The following LRGUK variants were observed in gnomAD, a reference collection of about 807,000 sequenced individuals.
LRGUK encodes leucine rich repeats and guanylate kinase domain containing.
Under a neutral mutation model 76.0 loss-of-function variants are expected in LRGUK, and 65 were observed. The ratio of observed to expected loss-of-function variants is 0.85; its 90% CI spans 0.70 to 1.05. LRGUK has a LOEUF of 1.05. Among genes scored for constraint, LRGUK ranks in the 50% least tolerant of loss-of-function variants. The probability of loss-of-function intolerance (pLI) is 0.00; values close to 1 mark genes in which losing one functional copy is unlikely to be tolerated. For synonymous variants in LRGUK, 268 were observed against 265.6 expected, an observed-to-expected ratio of 1.01 and a Z score of -0.09; for missense variants, 758 against 732.8, an observed-to-expected ratio of 1.03 and a Z score of -0.40.
At chr7:134,156,085 A>G (rs1798442585) in intron 5 of LRGUK, among the ~76,000 whole-genome samples, 3 of 152,222 alleles carry the variant, frequency 2.0e-5, no homozygotes, top group Non-Finnish European at 4.4e-5. Flanking sequence ...TCAGTAGTAT[A>G]AAAGTATCTG....
At chr7:134,221,850 C>G in exon 16 of LRGUK, 1 of 1,603,036 alleles carries the variant, frequency 6.2e-7, no homozygotes. Context: ...GGGTGATTTC[C>G]TGCATTCTAC....
chr7:134,168,027 T>C (rs1251636026), intron 7 of LRGUK, among the ~76,000 whole-genome samples: 1 of 152,206 alleles, frequency 6.6e-6, no homozygotes, highest in Non-Finnish European at 1.5e-5. Context: ...TTGTTCACTT[T>C]TGAGCAATGC....
intron 10 of LRGUK, among the ~76,000 whole-genome samples, chr7:134,180,931 TG>T (rs1284883685): frequency 1.3e-5 from 2 of 152,210 alleles, no homozygotes; most frequent in Non-Finnish European, 2.9e-5. Context: ...TAAGCTCTAA[TG>T]TACTTTTGTC....
At chr7:134,156,366 C>T (rs56355527) in intron 5 of LRGUK, among the ~76,000 whole-genome samples, 19,690 of 151,604 alleles carry the variant, frequency 0.13, 1,613 homozygotes, top group East Asian at 0.32. Context: ...AATATGGTCT[C>T]CTAGCCTATC....
At chr7:134,199,306 G>T in exon 14 of LRGUK, 2 of 1,613,754 alleles carry the variant, frequency 1.2e-6, no homozygotes, top group Non-Finnish European at 1.7e-6. Context: ...AGGGATATTT[G>T]CGGAGAAAAG....
At chr7:134,154,825 A>C (rs1798389516) in intron 5 of LRGUK, among the ~76,000 whole-genome samples, 1 of 152,174 alleles carries the variant, frequency 6.6e-6, no homozygotes, top group Non-Finnish European at 1.5e-5. Flanking sequence ...CAAGCTAGAG[A>C]GTAAGATGGA....
At chr7:134,144,255 C>G (rs1291402353) in intron 4 of LRGUK, among the ~76,000 whole-genome samples, 2 of 152,220 alleles carry the variant, frequency 1.3e-5, no homozygotes, top group Non-Finnish European at 2.9e-5. Flanking sequence ...CCTCTCACCT[C>G]AGCCTGAGTA....
chr7:134,252,963 A>G (rs1454819521), intron 18 of LRGUK, among the ~76,000 whole-genome samples: 4 of 152,188 alleles, frequency 2.6e-5, no homozygotes, highest in Non-Finnish European at 5.9e-5. Context: ...ATCCTAGTAA[A>G]CATAGATGCC....
At chr7:134,227,779 G>A (rs1801799614) in intron 16 of LRGUK, among the ~76,000 whole-genome samples, 1 of 152,106 alleles carries the variant, frequency 6.6e-6, no homozygotes, top group African/African-American at 2.4e-5. Context: ...TACCCAATTA[G>A]ACACAGCTAA....
exon 7 of LRGUK, chr7:134,163,501 T>C (rs1161986332): frequency 6.2e-7 from 1 of 1,613,842 alleles, no homozygotes; most frequent in Non-Finnish European, 8.5e-7. Flanking sequence ...GCTTAGAGAA[T>C]CATGACCTCC....
intron 16 of LRGUK, among the ~76,000 whole-genome samples, chr7:134,242,424 C>T (rs1303835715): frequency 2.0e-5 from 3 of 152,214 alleles, no homozygotes; most frequent in Non-Finnish European, 2.9e-5. Flanking sequence ...ACTATAAACA[C>T]TTCTATGCAA....
chr7:134,187,217 A>T (rs1357304929), intron 11 of LRGUK, among the ~76,000 whole-genome samples: 2 of 151,810 alleles, frequency 1.3e-5, no homozygotes, highest in Non-Finnish European at 2.9e-5. Flanking sequence ...CACATTCTCA[A>T]GGACAAGTCA....
intron 15 of LRGUK, among the ~76,000 whole-genome samples, chr7:134,203,167 C>T (rs1245071300): frequency 6.6e-6 from 1 of 151,902 alleles, no homozygotes; most frequent in Admixed American, 6.6e-5. Context: ...TGCACCACTG[C>T]ACTCTAGCCT....
At chr7:134,228,205 T>G (rs1801807665) in intron 16 of LRGUK, among the ~76,000 whole-genome samples, 1 of 152,176 alleles carries the variant, frequency 6.6e-6, no homozygotes, top group Admixed American at 6.5e-5. Context: ...AAAGAATATC[T>G]TTAAGGTGAT....
chr7:134,223,995 G>C (rs924235714), intron 16 of LRGUK, among the ~76,000 whole-genome samples: 1 of 152,116 alleles, frequency 6.6e-6, no homozygotes, highest in African/African-American at 2.4e-5. Context: ...AAGTCAACAG[G>C]TAAGGCTCCC....
At chr7:134,166,963 G>T (rs1799016921) in intron 7 of LRGUK, among the ~76,000 whole-genome samples, 1 of 152,170 alleles carries the variant, frequency 6.6e-6, no homozygotes, top group Non-Finnish European at 1.5e-5. Flanking sequence ...ATTTCTCTCT[G>T]GATTTAAGTT....
At chr7:134,173,610 A>G (rs148020966) in intron 7 of LRGUK, among the ~76,000 whole-genome samples, 2 of 152,224 alleles carry the variant, frequency 1.3e-5, no homozygotes, top group African/African-American at 4.8e-5. Flanking sequence ...CTGTCAAGCA[A>G]TCTTTTTTTT....
intron 15 of LRGUK, among the ~76,000 whole-genome samples, chr7:134,219,314 T>A (rs1401872579): frequency 6.6e-6 from 1 of 152,280 alleles, no homozygotes; most frequent in Non-Finnish European, 1.5e-5. Context: ...TCTAAACACA[T>A]TATCTTCACC....
intron 5 of LRGUK, among the ~76,000 whole-genome samples, chr7:134,154,256 G>T (rs1459352403): frequency 3.3e-5 from 5 of 152,202 alleles, no homozygotes; most frequent in Non-Finnish European, 7.3e-5. Context: ...CTAATTCATT[G>T]TAATGTGTAG....
Sources: gnomAD v4.1 joint callset for allele counts (sites outside exome capture counted in the v4.1 genomes callset) on GRCh38, gnomAD v4.1.1 for gene constraint, MANE v1.5 for transcripts, NCBI Gene and HGNC (gene_info 2026-07-23, HGNC 2026-07-21) for gene names.